Variants in CROCC2 observed in about 807,000 individuals in gnomAD.
The protein encoded by CROCC2 is ciliary rootlet coiled-coil protein 2.
In CROCC2, 163 loss-of-function variants were observed where a neutral mutation model predicts 177.6. That is an observed-to-expected ratio of 0.92 (90% CI 0.81 to 1.05). The LOEUF is 1.05. Ranked by LOEUF, CROCC2 falls within the 50% of genes least tolerant of loss-of-function variation. The pLI is 0.00. For missense variants in CROCC2, 1,929 were observed against 1,797.8 expected, an observed-to-expected ratio of 1.07 and a Z score of -1.32; for synonymous variants, 904 against 787.3, an observed-to-expected ratio of 1.15 and a Z score of -2.48.
intron 27 of CROCC2, among the ~76,000 whole-genome samples, chr2:240,969,712 C>T (rs1208469785): frequency 6.6e-6 from 1 of 152,196 alleles, no homozygotes; most frequent in Non-Finnish European, 1.5e-5. Context: ...ACAGGTTACA[C>T]ATTTTGAAAG....
chr2:240,925,379 G>T (rs2059389516), intron 4 of CROCC2, among the ~76,000 whole-genome samples: 1 of 152,234 alleles, frequency 6.6e-6, no homozygotes, highest in African/African-American at 2.4e-5. Context: ...CCCGCGAAAG[G>T]CACCTCCCTC....
At chr2:240,975,606 C>T (rs901125872) in intron 27 of CROCC2, among the ~76,000 whole-genome samples, 1 of 152,160 alleles carries the variant, frequency 6.6e-6, no homozygotes, top group Non-Finnish European at 1.5e-5. Flanking sequence ...GCCTTTGTCC[C>T]TTCTGCTCCT....
intron 19 of CROCC2, chr2:240,957,892 CACCCCGTGGGCAGGG>C: frequency 1.2e-6 from 1 of 814,910 alleles, no homozygotes; most frequent in Non-Finnish European, 1.5e-6. Context: ...CTCTTGGCTC[CACCCCGTGGGCAGGG>C]ACCCAGGAAA....
intron 5 of CROCC2, among the ~76,000 whole-genome samples, chr2:240,927,426 C>T (rs1290522696): frequency 6.6e-6 from 1 of 152,164 alleles, no homozygotes; most frequent in African/African-American, 2.4e-5. Context: ...GCCATTCTTA[C>T]GCTGTCTCCC....
At position 240,949,882 on chromosome 2, in the gene CROCC2, G is replaced by A. The variant is rs775662882; in HGVS notation, c.2652+180G>A. Among the ~76,000 whole-genome samples, 3 of 152,186 alleles carry A rather than the reference G, an allele frequency of 2.0e-5. No individual in the cohort carries two copies. The highest frequency in any genetic ancestry group is 2.1e-4 in the South Asian group (1 of 4,830). ...CACGTGGGCATCCAGGGCCTTCCCC[G>A]TGGAGCCCTCATATTGGGCTTGGGT... On this transcript the variant is annotated intron_variant, in intron 17 of 31. Coordinates refer to ENST00000690015, the MANE Select transcript of CROCC2 (RefSeq NM_001351305.2). This position sits in a 1 kb window ranked among gnomAD's most constrained non-coding sequence, Gnocchi z 4.5.
At chr2:240,984,527 TTCCACACACACCCAGGCACTCAC>T (rs1304261257) in intron 28 of CROCC2, among the ~76,000 whole-genome samples, 1,643 of 126,552 alleles carry the variant, frequency 0.013, 137 homozygotes, top group East Asian at 0.021. Context: ...TCTGTGAGCA[TTCCACACACACCCAGGCACTCAC>T]TCCACACACA....
At chr2:240,957,834 G>C (rs1418058089) in intron 19 of CROCC2, 1 of 310,540 alleles carries the variant, frequency 3.2e-6, no homozygotes, top group Non-Finnish European at 4.7e-6. Flanking sequence ...CTTGGCATCG[G>C]GCCTGTGACC....
intron 27 of CROCC2, among the ~76,000 whole-genome samples, chr2:240,975,610 T>G (rs1469593211): frequency 1.3e-5 from 2 of 152,170 alleles, no homozygotes; most frequent in Non-Finnish European, 2.9e-5. Context: ...TTGTCCCTTC[T>G]GCTCCTGTTC....
chr2:240,936,141 C>T (rs2059468815), intron 14 of CROCC2, among the ~76,000 whole-genome samples: 1 of 152,214 alleles, frequency 6.6e-6, no homozygotes. Flanking sequence ...ACAGCTCAAC[C>T]CTCCTTCCGT....
chr2:240,907,121 T>C (rs537384811), intron 1 of CROCC2, among the ~76,000 whole-genome samples: 66 of 152,186 alleles, frequency 4.3e-4, no homozygotes, highest in Non-Finnish European at 2.4e-4. Context: ...TGCCCTCCCA[T>C]GGCCAAGTGT....
chr2:240,935,953 G>A (rs1341258862), intron 14 of CROCC2, among the ~76,000 whole-genome samples: 1 of 152,172 alleles, frequency 6.6e-6, no homozygotes, highest in Non-Finnish European at 1.5e-5. Context: ...CACATTCACT[G>A]GTGCCTCACT....
intron 3 of CROCC2, among the ~76,000 whole-genome samples, chr2:240,920,399 C>T (rs1013799726): frequency 4.6e-5 from 7 of 152,320 alleles, no homozygotes; most frequent in Admixed American, 1.3e-4. Flanking sequence ...CCCTAGGTCT[C>T]GCAACCTAGC....
intron 14 of CROCC2, among the ~76,000 whole-genome samples, chr2:240,940,372 A>G (rs1292237170): frequency 1.3e-5 from 2 of 151,796 alleles, no homozygotes; most frequent in South Asian, 2.1e-4. Flanking sequence ...TACTTTTTTG[A>G]TATCTACTTT....
intron 21 of CROCC2, chr2:240,964,085 A>G: frequency 1.8e-6 from 1 of 540,982 alleles, no homozygotes; most frequent in Non-Finnish European, 3.3e-6. Flanking sequence ...AGGGAGGCCA[A>G]CGGCCTGGCT....
At chr2:240,914,207 G>C (rs1396077080) in intron 1 of CROCC2, among the ~76,000 whole-genome samples, 1 of 152,208 alleles carries the variant, frequency 6.6e-6, no homozygotes, top group South Asian at 2.1e-4. Context: ...CCTTGTGCGC[G>C]AGTGGGGGCC....
At chr2:240,919,937 G>A in intron 2 of CROCC2, 46 bp from the exon 3 acceptor site, 1 of 711,656 alleles carries the variant, frequency 1.4e-6, no homozygotes, top group African/African-American at 1.7e-5. Flanking sequence ...GCTGAGTGTG[G>A]GTGGGCCCTG....
intron 6 of CROCC2, 50 bp from the exon 7 acceptor site, chr2:240,930,881 C>T (rs2106459884): frequency 1.5e-6 from 1 of 657,162 alleles, no homozygotes; most frequent in South Asian, 1.7e-5. Context: ...CAGGCCCTCC[C>T]TCTGCAGATG....
chr2:240,951,571 T>G (rs187842305), intron 18 of CROCC2, among the ~76,000 whole-genome samples: 1 of 152,274 alleles, frequency 6.6e-6, no homozygotes, highest in Admixed American at 6.5e-5. Context: ...TAGCTGTCCA[T>G]CCACACACCT....
chr2:240,947,540 G>T (rs570660147), intron 15 of CROCC2, among the ~76,000 whole-genome samples: 1 of 152,228 alleles, frequency 6.6e-6, no homozygotes, highest in Non-Finnish European at 1.5e-5. Flanking sequence ...CTGAAGCCAC[G>T]TCTGCCCGGA....
Sources: allele counts gnomAD v4.1 joint callset (sites outside exome capture counted in the v4.1 genomes callset), GRCh38; gene constraint gnomAD v4.1.1; non-coding constraint Gnocchi (gnomAD v3.1); transcripts MANE v1.5; gene names NCBI Gene and HGNC (gene_info 2026-07-23, HGNC 2026-07-21).